USP12: variants seen among roughly 807,000 people sequenced by gnomAD.
USP12 encodes the protein ubiquitin specific peptidase 12.
USP12 carries 19 observed loss-of-function variants against 45.5 expected under a neutral mutation model. The ratio of observed to expected loss-of-function variants is 0.42; its 90% CI spans 0.29 to 0.61. The LOEUF is 0.61. Ranked by LOEUF, USP12 falls within the 20% of genes least tolerant of loss-of-function variation. The pLI is 0.22. For synonymous variants in USP12, 149 were observed against 148.8 expected (o/e 1.00, Z -0.01); for missense variants, 242 against 447.7 (o/e 0.54, Z 4.15).
intron 1 of USP12, among the ~76,000 whole-genome samples, chr13:27,137,337 T>C (rs1305081829): frequency 6.6e-6 from 1 of 152,150 alleles, no homozygotes; most frequent in African/African-American, 2.4e-5. Flanking sequence ...AAATCAGCCA[T>C]CTTCAATCCG....
At chr13:27,072,176 AT>A (rs1873274533) in intron 7 of USP12, among the ~76,000 whole-genome samples, 1 of 152,036 alleles carries the variant, frequency 6.6e-6, no homozygotes, top group Non-Finnish European at 1.5e-5. Context: ...CTTTAAGTCT[AT>A]TTCTGTATTT....
At position 27,101,142 on chromosome 13, in the gene USP12, AT is replaced by A. The variant is rs758646640; in HGVS notation, c.343+4588del. On this transcript the variant is annotated intron_variant, in intron 3 of 8. Coordinates refer to ENST00000282344, the MANE Select transcript of USP12 (RefSeq NM_182488.4). ...ATGAGAGGCAAAGTAAACCAAAAAA[AT>A]AATCTTTAAACTTTTGTTGAAATAT... Among the ~76,000 whole-genome samples, 29 of 152,350 alleles carry A rather than the reference AT, an allele frequency of 1.9e-4. No individual in the cohort carries two copies. In the East Asian group the frequency reaches 3.1e-3, roughly 16 times the overall value.
Position 27,083,914 on chromosome 13 carries a change from G to T in USP12, c.734+5969C>A, listed in dbSNP as rs1432774682. ...AGTCTCACTCTTGTCACCCAGGCTG[G>T]AGTGCAATGGCGCAATCTCGGCTCA... On this transcript the variant is annotated intron_variant, in intron 6 of 8. Coordinates refer to ENST00000282344, the MANE Select transcript of USP12 (RefSeq NM_182488.4). 2.0e-5 allele frequency among the ~76,000 whole-genome samples: 3 copies of T among 150,894 alleles called. No homozygotes were observed. In the East Asian group the frequency reaches 5.9e-4, roughly 30 times the overall value.
intron 1 of USP12, among the ~76,000 whole-genome samples, chr13:27,144,981 C>T (rs1481295340): frequency 6.6e-6 from 1 of 152,120 alleles, no homozygotes; most frequent in African/African-American, 2.4e-5. Flanking sequence ...GTGGGAGAAT[C>T]ACCTAAGCCC....
rs141126961 is a variant in USP12 at position 27,067,220 on chromosome 13, C to T, written c.*2063G>A. 1.3e-5 allele frequency: 2 copies of T among 152,264 alleles called. No individual in the cohort carries two copies. The highest frequency in any genetic ancestry group is 4.8e-5 in the African/African-American group (2 of 41,552). The allele number at this position is 152,264 out of a possible 1,614,324, so 9.4% of individuals were successfully genotyped here. Reference sequence around the variant, plus strand: ...AATGACTTCATCTATCTTTCTTAAACATGTTGATATAGCTAATGTTAAAAC... The same window carrying T: ...AATGACTTCATCTATCTTTCTTAAATATGTTGATATAGCTAATGTTAAAAC... On this transcript the variant is annotated 3_prime_UTR_variant, in exon 9 of 9. Transcript: ENST00000282344.
intron 1 of USP12, among the ~76,000 whole-genome samples, chr13:27,158,011 C>T (rs756094966): frequency 4.6e-5 from 7 of 152,278 alleles, no homozygotes; most frequent in East Asian, 1.9e-4. Flanking sequence ...GACCTGATTG[C>T]GCCATTAGTT....
chr13:27,095,505 A>C, intron 4 of USP12, 96 bp downstream of exon 4: 2 of 908,256 alleles, frequency 2.2e-6, no homozygotes, highest in Non-Finnish European at 3.2e-6. Context: ...AAGAATTACA[A>C]CTTTCAAGTT....
intron 1 of USP12, among the ~76,000 whole-genome samples, chr13:27,142,463 T>C (rs1877108335): frequency 2.6e-5 from 4 of 152,208 alleles, no homozygotes; most frequent in African/African-American, 9.7e-5. Flanking sequence ...CATTGATGTT[T>C]TAAATTATAC....
intron 4 of USP12, among the ~76,000 whole-genome samples, chr13:27,091,303 TAC>T (rs1303485105): frequency 2.0e-5 from 3 of 152,218 alleles, no homozygotes; most frequent in East Asian, 1.9e-4. Flanking sequence ...AAGTAAAAGT[TAC>T]ACAGTCTGGT....
chr13:27,158,686 A>G (rs1877954483), intron 1 of USP12, among the ~76,000 whole-genome samples: 1 of 152,244 alleles, frequency 6.6e-6, no homozygotes, highest in South Asian at 2.1e-4. Context: ...GTAACAATAC[A>G]GTATTATAAT....
rs1014562765 is a variant in USP12, at chr13:27,068,531, T to C, written c.*752A>G. ...GACAACTTAAACTGACATTAACTAA[T>C]AAAAATATGTTCAAATTTACTGACA... On this transcript the variant is annotated 3_prime_UTR_variant, in exon 9 of 9. Coordinates refer to ENST00000282344, the MANE Select transcript of USP12 (RefSeq NM_182488.4). The C allele has an allele frequency of 5.9e-5, 9 of 152,258 alleles. No individual in the cohort carries two copies. Among genetic ancestry groups the C allele is most frequent in the African/African-American group, 2.2e-4 (9 of 41,450 alleles). 9.4% of individuals were successfully genotyped at this position (152,258 alleles called of 1,614,324 possible). A position where few individuals can be genotyped will look rare whatever the true frequency, so the allele number is the denominator to read the frequency against.
chr13:27,086,197 A>AAAATATAT (rs1555233235), intron 6 of USP12, among the ~76,000 whole-genome samples: 11 of 56,934 alleles, frequency 1.9e-4, no homozygotes, highest in African/African-American at 6.9e-4. Flanking sequence ...AAAAAAAAAA[A>AAAATATAT]ATATATATAT....
intron 6 of USP12, among the ~76,000 whole-genome samples, chr13:27,075,867 T>C (rs1245767014): frequency 6.6e-6 from 1 of 151,802 alleles, no homozygotes; most frequent in African/African-American, 2.4e-5. Flanking sequence ...CTGTCTCTAC[T>C]AAAAATACAA....
intron 7 of USP12, among the ~76,000 whole-genome samples, chr13:27,074,343 T>C (rs1046264076): frequency 1.3e-5 from 2 of 151,646 alleles, no homozygotes; most frequent in Non-Finnish European, 2.9e-5. Flanking sequence ...GAGCTTGCAC[T>C]GAGCCGAGAT....
intron 1 of USP12, among the ~76,000 whole-genome samples, chr13:27,147,338 G>A (rs1422459020): frequency 1.3e-5 from 2 of 152,060 alleles, no homozygotes; most frequent in African/African-American, 4.8e-5. Context: ...TTCCAATTTA[G>A]TTACGAATGT....
chr13:27,114,586 T>C (rs1036796778), intron 2 of USP12, among the ~76,000 whole-genome samples: 2 of 152,166 alleles, frequency 1.3e-5, no homozygotes, highest in Admixed American at 6.6e-5. Flanking sequence ...ATACAAATTA[T>C]AGTGACAGGT....
At chr13:27,100,890 C>T (rs56365661) in intron 3 of USP12, among the ~76,000 whole-genome samples, 1,603 of 152,314 alleles carry the variant, frequency 0.011, 36 homozygotes, top group African/African-American at 0.035. Flanking sequence ...TTCCCTACAG[C>T]GGCTAACTAC....
At position 27,082,854 on chromosome 13, in the gene USP12, A is replaced by G. The variant is rs376209980; in HGVS notation, c.734+7029T>C. On this transcript the variant is annotated intron_variant, in intron 6 of 8. Transcript: ENST00000282344. Reference sequence around the variant, plus strand: ...TAAGTTCATCATCTTTTTCTTTTTGAGACAGAGTTTCACTCTTGTTGCCCA... The same window carrying G: ...TAAGTTCATCATCTTTTTCTTTTTGGGACAGAGTTTCACTCTTGTTGCCCA... Among the ~76,000 whole-genome samples the G allele has an allele frequency of 7.9e-5, 12 of 152,300 alleles. No homozygotes were observed. In the East Asian group the frequency reaches 1.7e-3, roughly 22 times the overall value.
intron 1 of USP12, among the ~76,000 whole-genome samples, chr13:27,120,990 C>T (rs1875955984): frequency 6.6e-6 from 1 of 152,140 alleles, no homozygotes; most frequent in African/African-American, 2.4e-5. Context: ...ACCCTAGTGA[C>T]CTTTAAATTC....
Sources: allele counts gnomAD v4.1 joint callset (sites outside exome capture counted in the v4.1 genomes callset), GRCh38; gene constraint gnomAD v4.1.1; transcripts MANE v1.5; gene names NCBI Gene and HGNC (gene_info 2026-07-23, HGNC 2026-07-21).